Variants in KPNA3 observed in about 807,000 individuals in gnomAD.
KPNA3 encodes karyopherin subunit alpha 3.
KPNA3 carries 13 observed loss-of-function variants against 73.8 expected under a neutral mutation model. The observed-to-expected ratio is 0.18, with a 90% CI of 0.11 to 0.28. The LOEUF (loss-of-function observed/expected upper bound fraction) is 0.28. Among genes scored for constraint, KPNA3 ranks in the 10% least tolerant of loss-of-function variants. The probability of loss-of-function intolerance (pLI) is 1.00; values close to 1 mark genes in which losing one functional copy is unlikely to be tolerated. For missense variants in KPNA3, 360 were observed against 618.1 expected, an observed-to-expected ratio of 0.58 and a Z score of 4.43; for synonymous variants, 186 against 206.9, an observed-to-expected ratio of 0.90 and a Z score of 0.87.
rs774180884 is a variant in KPNA3 at position 49,709,705 on chromosome 13, G to A, written c.904-5C>T. Reference sequence around the variant, plus strand: ...AACTGCTCTGAGGGCTGCTGTCTAGGGTGGGGATAAAATGTTTTCTATAAA... The same window carrying A: ...AACTGCTCTGAGGGCTGCTGTCTAGAGTGGGGATAAAATGTTTTCTATAAA... On this transcript the variant is annotated splice_region_variant and splice_polypyrimidine_tract_variant and intron_variant, in intron 11 of 16. Transcript: ENST00000261667. The A allele has an allele frequency of 1.9e-6, 3 of 1,607,664 alleles. No homozygotes were observed. The highest frequency in any genetic ancestry group is 2.5e-6 in the Non-Finnish European group (3 of 1,177,910).
intron 10 of KPNA3, among the ~76,000 whole-genome samples, chr13:49,717,420 A>G (rs1954313995): frequency 2.4e-5 from 3 of 125,856 alleles, no homozygotes; most frequent in Non-Finnish European, 4.8e-5. Flanking sequence ...ACAGAGCAAG[A>G]CTCCATCTCG....
At chr13:49,718,940 A>G in intron 10 of KPNA3, among the ~76,000 whole-genome samples, 1 of 149,622 alleles carries the variant, frequency 6.7e-6, no homozygotes, top group East Asian at 2.0e-4. Flanking sequence ...ATATACACAT[A>G]TGTATGTACA....
intron 2 of KPNA3, among the ~76,000 whole-genome samples, chr13:49,746,041 C>T (rs1279700042): frequency 4.9e-5 from 6 of 122,936 alleles, no homozygotes; most frequent in East Asian, 4.6e-4. Context: ...CCAGCTTGGG[C>T]GACAGAGCGA....
chr13:49,701,918 A>C lies in KPNA3; in HGVS notation c.1468-20T>G. 1 of 1,518,626 alleles carries C rather than the reference A, an allele frequency of 6.6e-7. No homozygotes were observed. Among genetic ancestry groups the C allele is most frequent in the Non-Finnish European group, 9.1e-7 (1 of 1,093,822 alleles). 94.1% of individuals were successfully genotyped at this position (1,518,626 alleles called of 1,614,324 possible). ...ATCAATCTGTAAAAAACAAGAAAAAAATCCTTATTAGGTTATGATACTATA... is the reference window on the plus strand; with the variant it reads ...ATCAATCTGTAAAAAACAAGAAAAACATCCTTATTAGGTTATGATACTATA... On this transcript the variant is annotated intron_variant, in intron 16 of 16. Coordinates refer to ENST00000261667, the MANE Select transcript of KPNA3 (RefSeq NM_002267.4).
intron 6 of KPNA3, among the ~76,000 whole-genome samples, chr13:49,727,524 G>A (rs1392026912): frequency 6.6e-6 from 1 of 151,524 alleles, no homozygotes; most frequent in Non-Finnish European, 1.5e-5. Context: ...AAGGAGAATA[G>A]ATGTCAGAGA....
chr13:49,700,871 A>T lies in KPNA3; in HGVS notation c.*929T>A, dbSNP rs549237846. The T allele has an allele frequency of 6.6e-6, 1 of 152,652 alleles. No individual in the cohort carries two copies. Among genetic ancestry groups the T allele is most frequent in the African/African-American group, 2.4e-5 (1 of 41,600 alleles). 9.5% of individuals were successfully genotyped at this position (152,652 alleles called of 1,614,324 possible). On this transcript the variant is annotated 3_prime_UTR_variant, in exon 17 of 17. Coordinates refer to ENST00000261667, the MANE Select transcript of KPNA3 (RefSeq NM_002267.4). Reference sequence around the variant, plus strand: ...AAGCAAGATTTTTTTAAAAAACATCACCAATGGGTATTTTAGACTTTTGCA... The same window carrying T: ...AAGCAAGATTTTTTTAAAAAACATCTCCAATGGGTATTTTAGACTTTTGCA...
intron 10 of KPNA3, among the ~76,000 whole-genome samples, chr13:49,714,389 T>C (rs1157299358): frequency 6.6e-6 from 1 of 151,842 alleles, no homozygotes; most frequent in Non-Finnish European, 1.5e-5. Flanking sequence ...AATGATAAAA[T>C]AACCCTTAAA....
intron 1 of KPNA3, among the ~76,000 whole-genome samples, chr13:49,768,032 C>G (rs1954822745): frequency 6.6e-6 from 1 of 152,156 alleles, no homozygotes; most frequent in African/African-American, 2.4e-5. Flanking sequence ...ACAATCCCAG[C>G]ACTTTGGGAG....
chr13:49,764,825 T>G (rs1954796475), intron 1 of KPNA3, among the ~76,000 whole-genome samples: 1 of 152,208 alleles, frequency 6.6e-6, no homozygotes, highest in Non-Finnish European at 1.5e-5. Context: ...TTGCCAAAAT[T>G]TTTGAAAAAG....
chr13:49,727,170 G>C (rs1055322754), intron 6 of KPNA3, among the ~76,000 whole-genome samples: 1 of 151,600 alleles, frequency 6.6e-6, no homozygotes, highest in Non-Finnish European at 1.5e-5. Flanking sequence ...AAAGAAGTCC[G>C]GGCAAGGTGG....
At chr13:49,764,721 C>T (rs1232200740) in intron 1 of KPNA3, among the ~76,000 whole-genome samples, 1 of 151,790 alleles carries the variant, frequency 6.6e-6, no homozygotes, top group Non-Finnish European at 1.5e-5. Context: ...TATTCTATTT[C>T]CCATATCATG....
intron 1 of KPNA3, among the ~76,000 whole-genome samples, chr13:49,769,749 C>T (rs987048168): frequency 4.6e-5 from 7 of 152,144 alleles, no homozygotes; most frequent in East Asian, 3.8e-4. Flanking sequence ...CATTCATGTA[C>T]GTGTTTTTCA....
intron 2 of KPNA3, among the ~76,000 whole-genome samples, chr13:49,739,655 G>T (rs1254128855): frequency 6.6e-6 from 1 of 152,178 alleles, no homozygotes; most frequent in Non-Finnish European, 1.5e-5. Flanking sequence ...GTTATTTGAA[G>T]TGTGATCCTT....
chr13:49,782,606 C>A (rs1954949766), intron 1 of KPNA3, among the ~76,000 whole-genome samples: 1 of 152,048 alleles, frequency 6.6e-6, no homozygotes, highest in African/African-American at 2.4e-5. Context: ...AGGCTGCGCG[C>A]GGTGGCTCAT....
intron 10 of KPNA3, among the ~76,000 whole-genome samples, chr13:49,718,349 G>T (rs1034473743): frequency 3.9e-5 from 6 of 152,058 alleles, no homozygotes; most frequent in African/African-American, 1.4e-4. Context: ...CACAATTCTG[G>T]CTTTAAGTGG....
intron 2 of KPNA3, among the ~76,000 whole-genome samples, chr13:49,742,070 A>G (rs1332597113): frequency 6.6e-6 from 1 of 152,122 alleles, no homozygotes; most frequent in Non-Finnish European, 1.5e-5. Flanking sequence ...ATTTTTGTAT[A>G]TGGTGTGAAA....
Position 49,792,549 on chromosome 13 carries a change from C to A in KPNA3, c.-43G>T. Reference sequence around the variant, plus strand: ...GCGGCGGCTACTCCTGCGGCTGCGGCGGCGGCGGCGGCGAATCTTGGAGCG... The same window carrying A: ...GCGGCGGCTACTCCTGCGGCTGCGGAGGCGGCGGCGGCGAATCTTGGAGCG... On this transcript the variant is annotated 5_prime_UTR_variant, in exon 1 of 17. Coordinates refer to ENST00000261667, the MANE Select transcript of KPNA3 (RefSeq NM_002267.4). 8.6e-7 allele frequency: 1 copy of A among 1,166,546 alleles called. No homozygotes were observed. The highest frequency in any genetic ancestry group is 1.2e-6 in the Non-Finnish European group (1 of 856,186). The allele number at this position is 1,166,546 out of a possible 1,614,324, so 72.3% of individuals were successfully genotyped here. A position where few individuals can be genotyped will look rare whatever the true frequency, so the allele number is the denominator to read the frequency against.
chr13:49,783,572 A>G (rs1954957948), intron 1 of KPNA3, among the ~76,000 whole-genome samples: 1 of 152,342 alleles, frequency 6.6e-6, no homozygotes. Context: ...CCAGCTGTAC[A>G]GCCAAACCGT....
chr13:49,711,117 A>T, intron 10 of KPNA3, 95 bp from the exon 11 acceptor site: 1 of 1,231,646 alleles, frequency 8.1e-7, no homozygotes. Flanking sequence ...AAAAGTAACC[A>T]AATTTCAAGT....
Sources: gnomAD v4.1 joint callset for allele counts (sites outside exome capture counted in the v4.1 genomes callset) on GRCh38, gnomAD v4.1.1 for gene constraint, MANE v1.5 for transcripts, NCBI Gene and HGNC (gene_info 2026-07-23, HGNC 2026-07-21) for gene names.